The following SCIN variants were observed in gnomAD, a reference collection of about 807,000 sequenced individuals.
SCIN encodes the protein scinderin.
In SCIN, 91 loss-of-function variants were observed where a neutral mutation model predicts 91.8. The ratio of observed to expected loss-of-function variants is 0.99; its 90% confidence interval spans 0.84 to 1.18. The LOEUF is 1.18. SCIN is among the 50% of genes most tolerant of loss of function. The pLI is 0.00. For missense variants in SCIN, 1,087 were observed against 863.9 expected (o/e 1.26, Z -3.24); for synonymous variants, 367 against 312.6 (o/e 1.17, Z -1.84).
intron 1 of SCIN, among the ~76,000 whole-genome samples, chr7:12,572,566 G>A (rs1488374999): frequency 1.3e-5 from 2 of 152,182 alleles, no homozygotes; most frequent in Non-Finnish European, 2.9e-5. Flanking sequence ...GTTTGACTTT[G>A]TCAGATGACC....
rs532888951 is a variant in SCIN at position 12,658,477 on chromosome 7, C to T, written c.*5762C>T. On this transcript the variant is annotated 3_prime_UTR_variant, in exon 16 of 16. Transcript: ENST00000297029. ...CCAACGAACCTGAGCCTGGATTCTTCAGTAACACAATGCCTTCTGAGAAAC... is the reference window on the plus strand; with the variant it reads ...CCAACGAACCTGAGCCTGGATTCTTTAGTAACACAATGCCTTCTGAGAAAC... The T allele has an allele frequency of 6.6e-6, 1 of 152,222 alleles. No individual in the cohort carries two copies. Among genetic ancestry groups the T allele is most frequent in the Middle Eastern group, 3.2e-3 (1 of 316 alleles). 9.4% of individuals were successfully genotyped at this position (152,222 alleles called of 1,614,324 possible).
At chr7:12,625,535 T>G (rs1783500694) in intron 6 of SCIN, among the ~76,000 whole-genome samples, 1 of 151,706 alleles carries the variant, frequency 6.6e-6, no homozygotes, top group Non-Finnish European at 1.5e-5. Flanking sequence ...TTCACCGTGT[T>G]AGCCAGGATG....
chr7:12,573,751 C>G (rs1335414093), intron 1 of SCIN, among the ~76,000 whole-genome samples: 1 of 152,188 alleles, frequency 6.6e-6, no homozygotes, highest in African/African-American at 2.4e-5. Context: ...CTTATCCTCA[C>G]TCTTTCTCTT....
chr7:12,647,744 TTTTG>T (rs1783994061), intron 13 of SCIN, among the ~76,000 whole-genome samples: 1 of 152,220 alleles, frequency 6.6e-6, no homozygotes, highest in African/African-American at 2.4e-5. Flanking sequence ...AGGTTTTTTG[TTTTG>T]TTTATTTTGT....
chr7:12,619,940 T>G lies in SCIN; in HGVS notation c.667-2861T>G, dbSNP rs1783373453. ...GAGTACATTGAAGTTCAGGAACCACTGCAGCAGATGTAAAATATAAATCTT... is the reference window on the plus strand; with the variant it reads ...GAGTACATTGAAGTTCAGGAACCACGGCAGCAGATGTAAAATATAAATCTT... On this transcript the variant is annotated intron_variant, in intron 4 of 15. Coordinates refer to ENST00000297029, the MANE Select transcript of SCIN (RefSeq NM_001112706.3). Among the ~76,000 whole-genome samples, 5 of 152,238 alleles carry G rather than the reference T, an allele frequency of 3.3e-5. No individual in the cohort carries two copies. The South Asian group carries it at 1.0e-3, about 32-fold the overall frequency.
intron 4 of SCIN, among the ~76,000 whole-genome samples, chr7:12,613,499 A>T (rs1583299573): frequency 6.6e-6 from 1 of 152,180 alleles, no homozygotes; most frequent in East Asian, 1.9e-4. Context: ...GTATTTGATA[A>T]TAAGCATTTG....
chr7:12,597,385 A>C (rs1782865220), intron 3 of SCIN, among the ~76,000 whole-genome samples: 1 of 152,208 alleles, frequency 6.6e-6, no homozygotes, highest in Non-Finnish European at 1.5e-5. Context: ...TCCTTTAATC[A>C]GATTTTAGAT....
In SCIN at chr7:12,651,723, C is replaced by A; in HGVS notation, c.1960-118C>A. Reference sequence around the variant, plus strand: ...TGGGCCACCACCTCCACGTCCCTAACTTCTGCGGATATTGTGAAGATTGAA... The same window carrying A: ...TGGGCCACCACCTCCACGTCCCTAAATTCTGCGGATATTGTGAAGATTGAA... On this transcript the variant is annotated intron_variant, in intron 14 of 15. Transcript: ENST00000297029. This position sits in a 1 kb window ranked among gnomAD's most constrained non-coding sequence, Gnocchi z 5.9. The A allele has an allele frequency of 1.5e-6, 1 of 664,244 alleles. No individual in the cohort carries two copies. Among genetic ancestry groups the A allele is most frequent in the Non-Finnish European group, 2.6e-6 (1 of 382,212 alleles). 41.1% of individuals were successfully genotyped at this position (664,244 alleles called of 1,614,324 possible).
chr7:12,640,757 G>A (rs1783842666), intron 11 of SCIN, among the ~76,000 whole-genome samples: 1 of 152,184 alleles, frequency 6.6e-6, no homozygotes, highest in African/African-American at 2.4e-5. Flanking sequence ...AAATTTTTAA[G>A]AATACTGTCA....
Position 12,629,083 on chromosome 7 carries a change from A to C in SCIN, c.1198-18A>C. The C allele has an allele frequency of 6.2e-7, 1 of 1,600,452 alleles. No individual in the cohort carries two copies. Among genetic ancestry groups the C allele is most frequent in the Non-Finnish European group, 8.5e-7 (1 of 1,173,430 alleles). ...TCAAGAAAATTGTAATTTGTTGTAT[A>C]TATTCCATTCCTTCCAGATTTGGCG... On this transcript the variant is annotated intron_variant, in intron 8 of 15. Coordinates refer to ENST00000297029, the MANE Select transcript of SCIN (RefSeq NM_001112706.3).
chr7:12,643,879 C>T (rs925684979), intron 11 of SCIN, among the ~76,000 whole-genome samples: 4 of 152,176 alleles, frequency 2.6e-5, no homozygotes, highest in Admixed American at 6.5e-5. Context: ...ATACCAGTGA[C>T]ATAGTAGCAC....
chr7:12,603,718 CTA>C (rs1392653001), intron 3 of SCIN, among the ~76,000 whole-genome samples: 1 of 152,054 alleles, frequency 6.6e-6, no homozygotes, highest in Middle Eastern at 3.2e-3. Flanking sequence ...ATAATCTCTA[CTA>C]TATGTCACAC....
intron 11 of SCIN, among the ~76,000 whole-genome samples, chr7:12,643,756 C>T (rs1437642028): frequency 3.3e-5 from 5 of 152,340 alleles, no homozygotes; most frequent in East Asian, 3.9e-4. Context: ...GATCACTTTA[C>T]GCTCTTGTTT....
chr7:12,635,461 A>T (rs142807590), intron 9 of SCIN, among the ~76,000 whole-genome samples: 6,120 of 150,094 alleles, frequency 0.041, 140 homozygotes, highest in Middle Eastern at 0.077. Flanking sequence ...AAATACAAAA[A>T]ATTAGCCCGG....
chr7:12,644,432 A>G, intron 12 of SCIN, 117 bp downstream of exon 12: 12 of 1,438,974 alleles, frequency 8.3e-6, no homozygotes, highest in Non-Finnish European at 1.1e-5. Context: ...CAATCTCTCC[A>G]TTAGTTGCAG....
intron 14 of SCIN, among the ~76,000 whole-genome samples, chr7:12,650,086 C>T (rs1438950712): frequency 5.9e-5 from 9 of 152,026 alleles, no homozygotes; most frequent in East Asian, 1.9e-4. Flanking sequence ...TCTAAATTAA[C>T]GGTGAAAGAG....
intron 8 of SCIN, 106 bp from the exon 9 acceptor site, chr7:12,628,995 A>C (rs1230214981): frequency 3.2e-6 from 3 of 947,184 alleles, no homozygotes; most frequent in Non-Finnish European, 4.6e-6. Flanking sequence ...AAATAATTTA[A>C]AAGTTGTTTA....
At chr7:12,608,668 G>A (rs971125726) in intron 4 of SCIN, among the ~76,000 whole-genome samples, 19 of 151,956 alleles carry the variant, frequency 1.3e-4, no homozygotes, top group Admixed American at 1.0e-3. Context: ...TAGTAGAGAC[G>A]GGGTTTCACT....
Position 12,655,732 on chromosome 7 carries a change from C to T in SCIN, c.*3017C>T, listed in dbSNP as rs1379461649. On this transcript the variant is annotated 3_prime_UTR_variant, in exon 16 of 16. Transcript: ENST00000297029. The stretch of plus-strand genomic sequence containing the variant: ...ATACACAAAAAATATTATATATTTG[C>T]CAAACGTATGTACTAATCTAAAACC... 6.6e-6 allele frequency: 1 copy of T among 152,080 alleles called. No homozygotes were observed. The allele number at this position is 152,080 out of a possible 1,614,324, so 9.4% of individuals were successfully genotyped here. A position where few individuals can be genotyped will look rare whatever the true frequency, so the allele number is the denominator to read the frequency against.
Sources: gnomAD v4.1 joint callset for allele counts (sites outside exome capture counted in the v4.1 genomes callset) on GRCh38, gnomAD v4.1.1 for gene constraint, Gnocchi (gnomAD v3.1) non-coding constraint, MANE v1.5 for transcripts, NCBI Gene and HGNC (gene_info 2026-07-23, HGNC 2026-07-21) for gene names.